Variants in ASTN2 observed in about 807,000 individuals in gnomAD.
ASTN2 encodes astrotactin-2.
A neutral mutation model predicts 139.8 loss-of-function variants in ASTN2; 54 were observed. The ratio of observed to expected loss-of-function variants is 0.39; its 90% CI spans 0.31 to 0.48. ASTN2 has a LOEUF of 0.48. ASTN2 is among the 20% of genes least tolerant of loss of function. ASTN2 has a pLI of 0.95. For synonymous variants in ASTN2, 756 were observed against 719.5 expected (o/e 1.05, Z -0.81); for missense variants, 1,565 against 1,725.1 (o/e 0.91, Z 1.64).
rs181814937 is a variant in ASTN2, at chr9:116,867,507, G to C, written c.1890-3774C>G. Reference sequence around the variant, plus strand: ...GGAGCTTGCAGTGAGCCAAGATCGCGCCACTGCACTCCAGCCTGGGCGACA... The same window carrying C: ...GGAGCTTGCAGTGAGCCAAGATCGCCCCACTGCACTCCAGCCTGGGCGACA... On this transcript the variant is annotated intron_variant, in intron 10 of 22. Coordinates refer to ENST00000313400, the MANE Select transcript of ASTN2 (RefSeq NM_001365068.1). Among the ~76,000 whole-genome samples the C allele has an allele frequency of 2.2e-5, 3 of 133,698 alleles. No homozygotes were observed. The East Asian group carries it at 6.9e-4, about 31-fold the overall frequency. The allele number at this position is 133,698 out of a possible 152,430, so 87.7% of individuals were successfully genotyped here.
At chr9:116,959,356 C>T (rs1364276120) in intron 10 of ASTN2, among the ~76,000 whole-genome samples, 2 of 152,082 alleles carry the variant, frequency 1.3e-5, no homozygotes, top group African/African-American at 4.8e-5. Flanking sequence ...GAATGGAGCA[C>T]GTGGATGTGA....
chr9:116,520,698 T>C (rs1850832777), intron 19 of ASTN2, among the ~76,000 whole-genome samples: 1 of 151,958 alleles, frequency 6.6e-6, no homozygotes, highest in Admixed American at 6.6e-5. Flanking sequence ...ATTGGTAAAG[T>C]GGAAGCCAAA....
intron 5 of ASTN2, among the ~76,000 whole-genome samples, chr9:117,086,145 C>G (rs1184953851): frequency 1.3e-5 from 2 of 152,144 alleles, no homozygotes; most frequent in East Asian, 3.9e-4. Context: ...GAACCCATTT[C>G]TATTATGGAC....
At chr9:117,147,396 A>T (rs995050348) in intron 3 of ASTN2, among the ~76,000 whole-genome samples, 3 of 151,764 alleles carry the variant, frequency 2.0e-5, no homozygotes, top group Non-Finnish European at 4.4e-5. Context: ...AGATCACGCC[A>T]TTGCACTCCA....
chr9:116,909,213 G>A (rs1168656161), intron 10 of ASTN2, among the ~76,000 whole-genome samples: 1 of 152,208 alleles, frequency 6.6e-6, no homozygotes, highest in Non-Finnish European at 1.5e-5. Flanking sequence ...TGGGTCAGAG[G>A]CGTGTGTTAG....
intron 1 of ASTN2, among the ~76,000 whole-genome samples, chr9:117,327,965 AT>A (rs1360305751): frequency 6.6e-6 from 1 of 152,064 alleles, no homozygotes; most frequent in East Asian, 1.9e-4. Flanking sequence ...GTTCTATCTA[AT>A]TTTCATGAAA....
intron 19 of ASTN2, among the ~76,000 whole-genome samples, chr9:116,609,807 C>T (rs1035733006): frequency 6.6e-6 from 1 of 151,946 alleles, no homozygotes; most frequent in Non-Finnish European, 1.5e-5. Flanking sequence ...ATGACAAAAA[C>T]TGCATAAGGC....
At position 116,597,299 on chromosome 9, in the gene ASTN2, ATTTTTT is replaced by A. The variant is rs757848093; in HGVS notation, c.3355+21019_3355+21024del. Among the ~76,000 whole-genome samples, 4 of 75,542 alleles carry A rather than the reference ATTTTTT, an allele frequency of 5.3e-5. 1 individual carries two copies. In the Admixed American group the frequency reaches 5.8e-4, roughly 11 times the overall value. 49.6% of individuals were successfully genotyped at this position (75,542 alleles called of 152,430 possible). A position where few individuals can be genotyped will look rare whatever the true frequency, so the allele number is the denominator to read the frequency against. ...CAAAATATTCCATGACTTTTGATCT[ATTTTTT>A]TTTTTTTTTTTTTTTTTTGGAGATA... On this transcript the variant is annotated intron_variant, in intron 19 of 22. Transcript: ENST00000313400.
At chr9:116,577,901 G>A (rs1044455788) in intron 19 of ASTN2, among the ~76,000 whole-genome samples, 6 of 152,144 alleles carry the variant, frequency 3.9e-5, no homozygotes, top group African/African-American at 1.4e-4. Flanking sequence ...ATTTAAACTT[G>A]CAGTGACCAG....
chr9:117,041,598 C>T (rs921680764), intron 5 of ASTN2, among the ~76,000 whole-genome samples: 17 of 152,124 alleles, frequency 1.1e-4, no homozygotes, highest in African/African-American at 2.9e-4. Flanking sequence ...GGGAGGTGCA[C>T]GCATATCTGT....
Position 116,698,994 on chromosome 9 carries a change from G to A in ASTN2, c.2806+26777C>T. On this transcript the variant is annotated intron_variant, in intron 16 of 22. Coordinates refer to ENST00000313400, the MANE Select transcript of ASTN2 (RefSeq NM_001365068.1). This position sits in a 1 kb window ranked among gnomAD's most constrained non-coding sequence, Gnocchi z 4.4. ...CAGCCCCAGTGGCATTGATAGCTTT[G>A]TGCTAAGCTTCCTTGGGGCAGATCT... 6.2e-7 allele frequency: 1 copy of A among 1,613,964 alleles called. No individual in the cohort carries two copies. Among genetic ancestry groups the A allele is most frequent in the Non-Finnish European group, 8.5e-7 (1 of 1,179,972 alleles).
At chr9:117,045,580 CAG>C (rs1230183492) in intron 5 of ASTN2, among the ~76,000 whole-genome samples, 2 of 152,128 alleles carry the variant, frequency 1.3e-5, no homozygotes, top group African/African-American at 4.8e-5. Context: ...GGAAATAACT[CAG>C]TGTTGTTGAT....
intron 6 of ASTN2, among the ~76,000 whole-genome samples, chr9:117,015,973 C>T (rs1564385216): frequency 6.6e-6 from 1 of 151,952 alleles, no homozygotes; most frequent in Non-Finnish European, 1.5e-5. Context: ...TTTCCTTAAC[C>T]ACCTCCCACC....
At chr9:116,595,396 C>T (rs771369268) in intron 19 of ASTN2, among the ~76,000 whole-genome samples, 11 of 151,652 alleles carry the variant, frequency 7.3e-5, no homozygotes, top group Non-Finnish European at 1.6e-4. Context: ...GGTGTGATCT[C>T]GGCTCACTAC....
intron 2 of ASTN2, among the ~76,000 whole-genome samples, chr9:117,267,936 C>T (rs1335052142): frequency 2.0e-5 from 3 of 152,196 alleles, no homozygotes; most frequent in African/African-American, 4.8e-5. Context: ...AGCAGACCCA[C>T]TTTGTTGTTA....
At chr9:116,574,678 G>A (rs751363348) in intron 19 of ASTN2, among the ~76,000 whole-genome samples, 11 of 152,184 alleles carry the variant, frequency 7.2e-5, no homozygotes, top group Non-Finnish European at 2.9e-5. Flanking sequence ...ATAAGTCAAG[G>A]CCAATGGTAA....
intron 20 of ASTN2, among the ~76,000 whole-genome samples, chr9:116,452,382 T>C (rs1295170024): frequency 6.6e-6 from 1 of 152,216 alleles, no homozygotes; most frequent in Non-Finnish European, 1.5e-5. Flanking sequence ...CACCTTGTCA[T>C]TAACTAGCTA....
rs144337233 is a variant in ASTN2 at position 116,651,711 on chromosome 9, C to T, written c.2889G>A (p.Met963Ile). 1,592 of 1,614,172 alleles carry T rather than the reference C, an allele frequency of 9.9e-4. 14 individuals are homozygous for T. Among genetic ancestry groups the T allele is most frequent in the Middle Eastern group, 8.2e-3 (50 of 6,062 alleles). Residue 963 changes from methionine (M) to isoleucine (I), a missense_variant, in exon 17 of 23, where the codon ATG becomes ATA. Met to Ile is a conservative substitution (Grantham distance 10). Around this residue, in one of 4 missense-constraint regions of ASTN2, gnomAD observed 48 missense variants for 90.7 expected, o/e 0.53. Transcript: ENST00000313400. ...TYLSGLLTAQ[M>I]LSDDQLISGV... ...CTGAAATGAGCTGGTCATCTGACAG[C>T]ATCTGGGCTGTCAGCAAACCTGAGA... is the stretch of plus-strand genomic sequence containing the variant.
intron 10 of ASTN2, among the ~76,000 whole-genome samples, chr9:116,866,754 T>G (rs913788721): frequency 6.6e-6 from 1 of 151,604 alleles, no homozygotes; most frequent in Non-Finnish European, 1.5e-5. Flanking sequence ...AGTAGCCAGG[T>G]GTGGGGCATG....
Sources: gnomAD v4.1 joint callset for allele counts (sites outside exome capture counted in the v4.1 genomes callset) on GRCh38, gnomAD v4.1.1 for gene constraint, gnomAD v4.1.1 regional missense constraint, Gnocchi (gnomAD v3.1) non-coding constraint, MANE v1.5 for transcripts, NCBI Gene and HGNC (gene_info 2026-07-23, HGNC 2026-07-21) for gene names.